The following PID1 variants were observed in gnomAD, a reference collection of about 807,000 sequenced individuals.
PID1 encodes phosphotyrosine interaction domain containing 1, also known as PTB-containing, cubilin and LRP1-interacting protein.
In PID1, 10 loss-of-function variants were observed where a neutral mutation model predicts 19.1. The observed-to-expected ratio is 0.52, with a 90% confidence interval of 0.32 to 0.89. The LOEUF (loss-of-function observed/expected upper bound fraction) is 0.89. Among genes scored for constraint, PID1 ranks in the 40% least tolerant of loss-of-function variants. The probability of loss-of-function intolerance (pLI) is 0.03; values close to 1 mark genes in which losing one functional copy is unlikely to be tolerated. For synonymous variants in PID1, 130 were observed against 116.0 expected (o/e 1.12, Z -0.78); for missense variants, 248 against 285.3 (o/e 0.87, Z 0.94).
At chr2:229,042,007 CT>C (rs1693780398) in intron 2 of PID1, among the ~76,000 whole-genome samples, 1 of 152,110 alleles carries the variant, frequency 6.6e-6, no homozygotes, top group Non-Finnish European at 1.5e-5. Flanking sequence ...AGTAATGTCT[CT>C]AGATTATAAA....
chr2:229,155,032 A>T (rs756203410), intron 2 of PID1, among the ~76,000 whole-genome samples: 4 of 152,256 alleles, frequency 2.6e-5, no homozygotes, highest in Admixed American at 6.5e-5. Flanking sequence ...ATATTAGTAT[A>T]AATTTTGAGA....
intron 2 of PID1, among the ~76,000 whole-genome samples, chr2:229,131,917 C>G (rs1689750106): frequency 6.6e-6 from 1 of 152,126 alleles, no homozygotes; most frequent in South Asian, 2.1e-4. Context: ...TAGTTATGAT[C>G]TAGTACTATC....
chr2:229,203,844 C>A (rs1373217989), intron 1 of PID1, among the ~76,000 whole-genome samples: 1 of 152,074 alleles, frequency 6.6e-6, no homozygotes, highest in Non-Finnish European at 1.5e-5. Context: ...AGATGTTCAA[C>A]ATATTACCTT....
chr2:229,153,600 C>A (rs1288990410), intron 2 of PID1, among the ~76,000 whole-genome samples: 1 of 151,944 alleles, frequency 6.6e-6, no homozygotes, highest in African/African-American at 2.4e-5. Context: ...TTTTTTTCAA[C>A]GTCCTTTTAA....
intron 2 of PID1, among the ~76,000 whole-genome samples, chr2:229,046,359 T>TGC (rs1306675583): frequency 2.7e-5 from 4 of 149,020 alleles, no homozygotes; most frequent in Non-Finnish European, 5.9e-5. Flanking sequence ...TGTGTGTGTG[T>TGC]GTGTGTGTGT....
In PID1 at chr2:229,207,159, C is replaced by A. The variant is rs190981329; in HGVS notation, c.31-51195G>T. On this transcript the variant is annotated intron_variant, in intron 1 of 2. Coordinates refer to ENST00000392055, the MANE Select transcript of PID1 (RefSeq NM_001100818.2). Reference sequence around the variant, plus strand: ...CATCAATAAGGATAAAATTTGAAGTCAAGTTTTACACAAGTCTTCATTTAG... The same window carrying A: ...CATCAATAAGGATAAAATTTGAAGTAAAGTTTTACACAAGTCTTCATTTAG... Among the ~76,000 whole-genome samples the A allele has an allele frequency of 1.1e-4, 16 of 152,194 alleles. No individual in the cohort carries two copies. In the East Asian group the frequency reaches 3.1e-3, roughly 29 times the overall value.
intron 2 of PID1, among the ~76,000 whole-genome samples, chr2:229,055,542 A>G (rs1694081244): frequency 6.6e-6 from 1 of 152,044 alleles, no homozygotes. Context: ...GGATAATTGG[A>G]AATTGATTCT....
chr2:229,066,203 T>C (rs1409726428), intron 2 of PID1, among the ~76,000 whole-genome samples: 1 of 151,962 alleles, frequency 6.6e-6, no homozygotes, highest in African/African-American at 2.4e-5. Context: ...TATCCATTCA[T>C]TTACCTAATG....
At chr2:229,090,086 A>C (rs896182431) in intron 2 of PID1, among the ~76,000 whole-genome samples, 1 of 152,146 alleles carries the variant, frequency 6.6e-6, no homozygotes, top group Non-Finnish European at 1.5e-5. Context: ...CAAAGCTCAA[A>C]CTCAATCTAG....
At chr2:229,102,984 C>T (rs1025670164) in intron 2 of PID1, among the ~76,000 whole-genome samples, 1 of 152,158 alleles carries the variant, frequency 6.6e-6, no homozygotes, top group Non-Finnish European at 1.5e-5. Flanking sequence ...GAGGAGGTTA[C>T]CCTGGGATTC....
intron 1 of PID1, among the ~76,000 whole-genome samples, chr2:229,241,475 A>G (rs1156508094): frequency 6.6e-6 from 1 of 152,156 alleles, no homozygotes; most frequent in East Asian, 1.9e-4. Flanking sequence ...AGCCTATAAA[A>G]CACTATTAAC....
chr2:229,221,966 T>C lies in PID1; in HGVS notation c.30+49048A>G, dbSNP rs115365889. ...AACTCCACTCCTCTCCATCACCACA[T>C]TGCCATTACTAGTTGAGGTTCTCAC... is the stretch of plus-strand genomic sequence containing the variant. On this transcript the variant is annotated intron_variant, in intron 1 of 2. Transcript: ENST00000392055. Among the ~76,000 whole-genome samples the C allele has an allele frequency of 7.6e-4, 116 of 152,300 alleles. 3 individuals carry two copies. The highest frequency in any genetic ancestry group is 2.7e-3 in the African/African-American group (112 of 41,560).
chr2:229,091,832 C>A (rs1278668517), intron 2 of PID1, among the ~76,000 whole-genome samples: 2 of 152,162 alleles, frequency 1.3e-5, no homozygotes, highest in Non-Finnish European at 1.5e-5. Context: ...CAATGGTAAC[C>A]CTTTGGCCAG....
In PID1 at chr2:229,026,028, C is replaced by G; in HGVS notation, c.258G>C (p.Trp86Cys). ...GCTEKPVIELWKKHTLAREDV... is the reference protein window; with the variant it reads ...GCTEKPVIELCKKHTLAREDV... The stretch of plus-strand genomic sequence containing the variant: ...CCTCTCGGGCTAGCGTGTGCTTCTT[C>G]CAGAGCTCAATGACTGGCTTTTCTG... The change falls in exon 3 of 3, where the codon TGG (tryptophan) becomes TGC (cysteine). Residue 86 changes from tryptophan (W) to cysteine (C), a missense_variant. Transcript: ENST00000392055. 1 of 1,614,188 alleles carries G rather than the reference C, an allele frequency of 6.2e-7. No homozygotes were observed. The highest frequency in any genetic ancestry group is 8.5e-7 in the Non-Finnish European group (1 of 1,180,026).
intron 1 of PID1, among the ~76,000 whole-genome samples, chr2:229,178,858 C>T (rs1455479795): frequency 6.6e-6 from 1 of 151,914 alleles, no homozygotes; most frequent in Non-Finnish European, 1.5e-5. Flanking sequence ...TGGGACCGTC[C>T]CTATGCACCG....
At chr2:229,080,173 A>G (rs183553180) in intron 2 of PID1, among the ~76,000 whole-genome samples, 169 of 152,324 alleles carry the variant, frequency 1.1e-3, no homozygotes, top group Admixed American at 1.9e-3. Context: ...TGAAAGAATC[A>G]ACAAACAAAA....
chr2:229,132,805 A>G (rs955905093), intron 2 of PID1, among the ~76,000 whole-genome samples: 3 of 152,232 alleles, frequency 2.0e-5, no homozygotes, highest in Admixed American at 2.0e-4. Flanking sequence ...TCATTATTAA[A>G]TAGGTATATT....
intron 1 of PID1, among the ~76,000 whole-genome samples, chr2:229,257,104 C>T (rs1390361292): frequency 6.6e-6 from 1 of 152,164 alleles, no homozygotes; most frequent in African/African-American, 2.4e-5. Context: ...TTTAGATCTG[C>T]TTTTATGATC....
At chr2:229,265,131 T>C (rs1219701302) in intron 1 of PID1, among the ~76,000 whole-genome samples, 1 of 152,208 alleles carries the variant, frequency 6.6e-6, no homozygotes, top group East Asian at 1.9e-4. Flanking sequence ...CAGATATGCT[T>C]TTTTTTCGTT....
Sources: gnomAD v4.1 joint callset for allele counts (sites outside exome capture counted in the v4.1 genomes callset) on GRCh38, gnomAD v4.1.1 for gene constraint, MANE v1.5 for transcripts, NCBI Gene and HGNC (gene_info 2026-07-23, HGNC 2026-07-21) for gene names.